Variants in GRK7 observed in about 807,000 individuals in gnomAD.
The protein encoded by GRK7 is G protein-coupled receptor kinase 7.
A neutral mutation model predicts 34.1 loss-of-function variants in GRK7; 24 were observed. That is an observed-to-expected ratio of 0.70 (90% CI 0.51 to 0.99). GRK7 has a LOEUF of 0.99. Among genes scored for constraint, GRK7 ranks in the 50% least tolerant of loss-of-function variants. The pLI is 0.00. For synonymous variants in GRK7, 256 were observed against 279.4 expected, an observed-to-expected ratio of 0.92 and a Z score of 0.84; for missense variants, 644 against 707.3, an observed-to-expected ratio of 0.91 and a Z score of 1.02.
At chr3:141,803,542 T>C (rs919598176) in intron 4 of GRK7, among the ~76,000 whole-genome samples, 1 of 152,202 alleles carries the variant, frequency 6.6e-6, no homozygotes, top group Non-Finnish European at 1.5e-5. Context: ...TCACTTCCAT[T>C]ACACTGCTCT....
intron 1 of GRK7, among the ~76,000 whole-genome samples, chr3:141,771,749 A>G (rs193074631): frequency 5.7e-4 from 87 of 152,218 alleles, no homozygotes; most frequent in Middle Eastern, 3.4e-3. Context: ...CAGTGGCGCA[A>G]TCTAGGCTCA....
In GRK7 at chr3:141,763,566, G is replaced by C. The variant is rs1242737467; in HGVS notation, c.-2387G>C. The stretch of plus-strand genomic sequence containing the variant: ...TCAACTTAGCAGTAGCCCAGTGGAA[G>C]CTGCAGGATCCCGGATCCAGATCCA... On this transcript the variant is annotated 5_prime_UTR_variant, in exon 1 of 6. Coordinates refer to ENST00000682958, the MANE Select transcript of GRK7 (RefSeq NM_139209.3). Among the ~76,000 whole-genome samples, 12 of 152,110 alleles carry C rather than the reference G, an allele frequency of 7.9e-5. No individual in the cohort carries two copies. Among genetic ancestry groups the C allele is most frequent in the Non-Finnish European group, 1.6e-4 (11 of 68,020 alleles).
chr3:141,783,705 T>C (rs2084682837), intron 4 of GRK7, among the ~76,000 whole-genome samples: 1 of 151,574 alleles, frequency 6.6e-6, no homozygotes, highest in Admixed American at 6.6e-5. Flanking sequence ...GAAATGGAGT[T>C]TTGAGATGGG....
rs972044051 is a variant in GRK7 at position 141,819,349 on chromosome 3, G to T, written c.*2299G>T. Reference sequence around the variant, plus strand: ...AAAAATAAAAATGTCTTGTTGCATTGGTTCCTTAGTGTGAATTGCCTCTGC... The same window carrying T: ...AAAAATAAAAATGTCTTGTTGCATTTGTTCCTTAGTGTGAATTGCCTCTGC... On this transcript the variant is annotated 3_prime_UTR_variant, in exon 6 of 6. Transcript: ENST00000682958. 4.1e-4 allele frequency among the ~76,000 whole-genome samples: 62 copies of T among 152,282 alleles called. No individual in the cohort carries two copies. The highest frequency in any genetic ancestry group is 1.3e-3 in the African/African-American group (52 of 41,552).
rs1045140344 is a variant in GRK7 at position 141,763,760 on chromosome 3, C to T, written c.-2193C>T. Among the ~76,000 whole-genome samples, 1 of 152,188 alleles carries T rather than the reference C, an allele frequency of 6.6e-6. No individual in the cohort carries two copies. Among genetic ancestry groups the T allele is most frequent in the Non-Finnish European group, 1.5e-5 (1 of 68,044 alleles). On this transcript the variant is annotated 5_prime_UTR_variant, in exon 1 of 6. Coordinates refer to ENST00000682958, the MANE Select transcript of GRK7 (RefSeq NM_139209.3). The stretch of plus-strand genomic sequence containing the variant: ...CTCCTAACTCTAATTCCAAGTAGTT[C>T]TTTACATTCCCTTTTATTCCTGCAA...
chr3:141,771,730 G>T (rs146649345), intron 1 of GRK7, among the ~76,000 whole-genome samples: 1 of 152,032 alleles, frequency 6.6e-6, no homozygotes. Context: ...TGTCACCCAG[G>T]CTGGAGAGCA....
chr3:141,751,469 T>C, the GRK7 span, among the ~76,000 whole-genome samples: 4 of 152,200 alleles, frequency 2.6e-5, no homozygotes, highest in African/African-American at 9.7e-5. Flanking sequence ...TTGAACCTTC[T>C]AAGAGAAGTA....
At chr3:141,813,113 T>TGATTGTTC (rs1309696075) in intron 5 of GRK7, among the ~76,000 whole-genome samples, 53 of 152,246 alleles carry the variant, frequency 3.5e-4, no homozygotes, top group African/African-American at 1.2e-3. Flanking sequence ...TTAAAAAATC[T>TGATTGTTC]GTTTGTTCGT....
chr3:141,818,942 G>A lies in GRK7; in HGVS notation c.*1892G>A, dbSNP rs773018001. 1.1e-4 allele frequency among the ~76,000 whole-genome samples: 16 copies of A among 152,162 alleles called. No homozygotes were observed. The highest frequency in any genetic ancestry group is 1.4e-4 in the African/African-American group (6 of 41,444). On this transcript the variant is annotated 3_prime_UTR_variant, in exon 6 of 6. Transcript: ENST00000682958. ...CGGTGCACCTGCGGCTCACTTTCCC[G>A]CTCCTCCTCCATCCTCAGCATGCTC... is the stretch of plus-strand genomic sequence containing the variant.
intron 4 of GRK7, among the ~76,000 whole-genome samples, chr3:141,806,869 T>A (rs1226460349): frequency 6.6e-6 from 1 of 151,958 alleles, no homozygotes. Flanking sequence ...ATTTAGATAG[T>A]AAATTTTATG....
chr3:141,786,006 T>C (rs899068677), intron 4 of GRK7, among the ~76,000 whole-genome samples: 4 of 151,682 alleles, frequency 2.6e-5, no homozygotes, highest in Non-Finnish European at 5.9e-5. Flanking sequence ...ACTCCAAATA[T>C]TGAGTCTGCA....
rs575474142 is a variant in GRK7, at chr3:141,790,859, C to T, written c.1050+10048C>T. Among the ~76,000 whole-genome samples, 125 of 152,088 alleles carry T rather than the reference C, an allele frequency of 8.2e-4. 3 individuals carry two copies. The highest frequency in any genetic ancestry group is 3.4e-3 in the Middle Eastern group (1 of 294). The stretch of plus-strand genomic sequence containing the variant: ...GATTACAGGCGTAAGCCACCGCGCC[C>T]GGTCAACATGCACTTTTAATAAATG... On this transcript the variant is annotated intron_variant, in intron 4 of 5. Transcript: ENST00000682958.
chr3:141,775,129 A>C (rs1403024665), intron 2 of GRK7, among the ~76,000 whole-genome samples: 1 of 152,150 alleles, frequency 6.6e-6, no homozygotes, highest in African/African-American at 2.4e-5. Context: ...AACCAGGCAC[A>C]GTGGCTCACG....
the GRK7 span, among the ~76,000 whole-genome samples, chr3:141,750,467 G>A: frequency 3.9e-5 from 6 of 152,140 alleles, no homozygotes; most frequent in Non-Finnish European, 8.8e-5. Context: ...CTCTGTGCCT[G>A]TTTCCTCAAC....
chr3:141,815,785 G>T (rs1398526196), intron 5 of GRK7, among the ~76,000 whole-genome samples: 2 of 151,642 alleles, frequency 1.3e-5, no homozygotes, highest in South Asian at 4.2e-4. Context: ...GCCCTGTGGA[G>T]GCTCATGTGA....
At position 141,815,925 on chromosome 3, in the gene GRK7, G is replaced by C. The variant is rs530489410; in HGVS notation, c.1326-789G>C. ...ACTGCAACCTCACAAGAGACTCTGA[G>C]ACAGAGACACCCAGTTAAGCCATGT... On this transcript the variant is annotated intron_variant, in intron 5 of 5. Coordinates refer to ENST00000682958, the MANE Select transcript of GRK7 (RefSeq NM_139209.3). 2.6e-3 allele frequency among the ~76,000 whole-genome samples: 395 copies of C among 152,250 alleles called. 2 individuals carry two copies. The highest frequency in any genetic ancestry group is 9.3e-3 in the African/African-American group (385 of 41,542).
At chr3:141,775,238 A>G (rs1244909758) in intron 2 of GRK7, among the ~76,000 whole-genome samples, 2 of 152,106 alleles carry the variant, frequency 1.3e-5, no homozygotes, top group African/African-American at 2.4e-5. Flanking sequence ...CATGTCTACT[A>G]AAAATATGAA....
intron 4 of GRK7, among the ~76,000 whole-genome samples, chr3:141,787,726 A>G (rs986147936): frequency 6.6e-6 from 1 of 151,944 alleles, no homozygotes; most frequent in African/African-American, 2.4e-5. Context: ...ACCTACCACC[A>G]GTCAGGTGCT....
At chr3:141,780,910 T>G in intron 4 of GRK7, 99 bp downstream of exon 4, 1 of 1,136,228 alleles carries the variant, frequency 8.8e-7, no homozygotes, top group Non-Finnish European at 1.2e-6. Context: ...TTGGACTTAA[T>G]TCTTTTGGTT....
Sources: gnomAD v4.1 joint callset for allele counts (sites outside exome capture counted in the v4.1 genomes callset) on GRCh38, gnomAD v4.1.1 for gene constraint, MANE v1.5 for transcripts, NCBI Gene and HGNC (gene_info 2026-07-23, HGNC 2026-07-21) for gene names.